Variants in UBE2H observed in about 807,000 individuals in gnomAD.
UBE2H encodes ubiquitin conjugating enzyme E2 H.
A neutral mutation model predicts 29.0 loss-of-function variants in UBE2H; 3 were observed. That is an observed-to-expected ratio of 0.10 (90% CI 0.05 to 0.27). The LOEUF (loss-of-function observed/expected upper bound fraction) is 0.27, where lower values mean the gene tolerates loss of function less well. Ranked by LOEUF, UBE2H falls within the 10% of genes least tolerant of loss-of-function variation. UBE2H has a pLI of 1.00. For missense variants in UBE2H, 68 were observed against 228.2 expected (o/e 0.30, Z 4.52); for synonymous variants, 69 against 82.9 (o/e 0.83, Z 0.91).
At chr7:129,895,482 C>A (rs1806581469) in intron 1 of UBE2H, among the ~76,000 whole-genome samples, 2 of 152,146 alleles carry the variant, frequency 1.3e-5, no homozygotes, top group Admixed American at 1.3e-4. Flanking sequence ...TCATAGGCAA[C>A]ATATAATTTC....
intron 1 of UBE2H, among the ~76,000 whole-genome samples, chr7:129,896,572 A>G (rs1331628919): frequency 6.6e-6 from 1 of 151,704 alleles, no homozygotes; most frequent in African/African-American, 2.4e-5. Context: ...CATCCGGCTC[A>G]TTTTTTATTT....
At chr7:129,905,043 A>C (rs1318593551) in intron 1 of UBE2H, among the ~76,000 whole-genome samples, 1 of 114,654 alleles carries the variant, frequency 8.7e-6, no homozygotes, top group Non-Finnish European at 2.0e-5. Context: ...ACTCGAGATC[A>C]ACACACAATG....
intron 3 of UBE2H, among the ~76,000 whole-genome samples, chr7:129,864,556 CT>C (rs367930226): frequency 6.9e-5 from 9 of 130,954 alleles, no homozygotes; most frequent in African/African-American, 1.4e-4. Flanking sequence ...TCTTTTCTTT[CT>C]TTTTTTTTTT....
intron 1 of UBE2H, among the ~76,000 whole-genome samples, chr7:129,899,675 T>G (rs960825327): frequency 1.3e-5 from 2 of 152,178 alleles, no homozygotes; most frequent in African/African-American, 4.8e-5. Flanking sequence ...CAATTAAATC[T>G]CACCTAACGT....
chr7:129,864,643 A>C (rs938494294), intron 3 of UBE2H, among the ~76,000 whole-genome samples: 1 of 141,816 alleles, frequency 7.1e-6, no homozygotes, highest in Non-Finnish European at 1.5e-5. Context: ...CCTCCACCTC[A>C]CGGGTTCAAG....
At chr7:129,939,899 C>G (rs1425710740) in intron 1 of UBE2H, among the ~76,000 whole-genome samples, 2 of 151,526 alleles carry the variant, frequency 1.3e-5, no homozygotes, top group Non-Finnish European at 2.9e-5. Context: ...GCGGAGATTG[C>G]AGTGAGCCGA....
chr7:129,892,867 T>C (rs1584770320), intron 1 of UBE2H, among the ~76,000 whole-genome samples: 1 of 152,020 alleles, frequency 6.6e-6, no homozygotes, highest in African/African-American at 2.4e-5. Context: ...AGGGTAAATA[T>C]GTCCTAAGAA....
Position 129,857,566 on chromosome 7 carries a change from G to A in UBE2H, c.246-3C>T. On this transcript the variant is annotated splice_polypyrimidine_tract_variant and splice_region_variant and intron_variant, in intron 4 of 6. Transcript: ENST00000355621. Reference sequence around the variant, plus strand: ...CATCTAGACACACAGTTCCTGACCTGAAACAGATGGAAAGAATGGCATGTT... The same window carrying A: ...CATCTAGACACACAGTTCCTGACCTAAAACAGATGGAAAGAATGGCATGTT... The A allele has an allele frequency of 1.9e-6, 3 of 1,609,098 alleles. No homozygotes were observed. Among genetic ancestry groups the A allele is most frequent in the Non-Finnish European group, 2.5e-6 (3 of 1,178,104 alleles).
rs34701981 is a variant in UBE2H at position 129,863,808 on chromosome 7, GT to G, written c.206-4868del. ...AAAATGATCTCTTCCAATACTAGGTGTTTTTTTTTTTTTTTGAGATAAGGTC... is the reference window on the plus strand; with the variant it reads ...AAAATGATCTCTTCCAATACTAGGTGTTTTTTTTTTTTTTGAGATAAGGTC... On this transcript the variant is annotated intron_variant, in intron 3 of 6. Coordinates refer to ENST00000355621, the MANE Select transcript of UBE2H (RefSeq NM_003344.4). Among the ~76,000 whole-genome samples, 404 of 135,880 alleles carry G rather than the reference GT, an allele frequency of 3.0e-3. 3 individuals are homozygous for G. The highest frequency in any genetic ancestry group is 4.3e-3 in the African/African-American group (158 of 36,328). The allele number at this position is 135,880 out of a possible 152,430, so 89.1% of individuals were successfully genotyped here. A position where few individuals can be genotyped will look rare whatever the true frequency, so the allele number is the denominator to read the frequency against.
chr7:129,906,557 C>T (rs1352403126), intron 1 of UBE2H, among the ~76,000 whole-genome samples: 1 of 152,028 alleles, frequency 6.6e-6, no homozygotes, highest in African/African-American at 2.4e-5. Context: ...TCCTGAGAAA[C>T]AGATAGGCAT....
chr7:129,894,240 G>A (rs969219375), intron 1 of UBE2H, among the ~76,000 whole-genome samples: 1 of 152,126 alleles, frequency 6.6e-6, no homozygotes, highest in African/African-American at 2.4e-5. Context: ...GATCTTTTGA[G>A]CTTAGAACTC....
intron 1 of UBE2H, among the ~76,000 whole-genome samples, chr7:129,917,082 G>A (rs1467105670): frequency 1.3e-5 from 2 of 150,700 alleles, no homozygotes; most frequent in Non-Finnish European, 2.9e-5. Context: ...GCAGGTGCCT[G>A]TAGTCCCAGC....
chr7:129,898,798 T>C (rs998714518), intron 1 of UBE2H, among the ~76,000 whole-genome samples: 1 of 145,136 alleles, frequency 6.9e-6, no homozygotes, highest in African/African-American at 2.5e-5. Context: ...TCAGATCAAG[T>C]GTTGAGTTGC....
At chr7:129,952,419 G>T in intron 1 of UBE2H, 84 bp downstream of exon 1, 1 of 1,545,384 alleles carries the variant, frequency 6.5e-7, no homozygotes. Flanking sequence ...GTGCCCCAGG[G>T]CCCTTGCAGT....
At chr7:129,909,784 C>T (rs564571130) in intron 1 of UBE2H, among the ~76,000 whole-genome samples, 2 of 152,188 alleles carry the variant, frequency 1.3e-5, no homozygotes, top group South Asian at 2.1e-4. Flanking sequence ...TAAGCCCAGA[C>T]GCAATACAAA....
At chr7:129,919,092 A>G (rs1290212546) in intron 1 of UBE2H, among the ~76,000 whole-genome samples, 1 of 146,884 alleles carries the variant, frequency 6.8e-6, no homozygotes, top group Non-Finnish European at 1.5e-5. Context: ...TCAAAAACAA[A>G]AACAAAGTAA....
At chr7:129,866,352 T>C (rs552759018) in intron 3 of UBE2H, among the ~76,000 whole-genome samples, 3 of 152,352 alleles carry the variant, frequency 2.0e-5, no homozygotes, top group South Asian at 4.1e-4. Flanking sequence ...TATCCTTCAA[T>C]AGCATAACCC....
intron 1 of UBE2H, among the ~76,000 whole-genome samples, chr7:129,937,424 T>C (rs1174742698): frequency 6.6e-6 from 1 of 152,192 alleles, no homozygotes; most frequent in African/African-American, 2.4e-5. Flanking sequence ...TTCAGATATA[T>C]CATGGTTTAT....
chr7:129,877,124 C>G (rs932020743), intron 3 of UBE2H, among the ~76,000 whole-genome samples: 1 of 152,086 alleles, frequency 6.6e-6, no homozygotes, highest in Non-Finnish European at 1.5e-5. Context: ...GTCATTTATA[C>G]AATTAAAATA....
Sources: gnomAD v4.1 joint callset for allele counts (sites outside exome capture counted in the v4.1 genomes callset) on GRCh38, gnomAD v4.1.1 for gene constraint, MANE v1.5 for transcripts, NCBI Gene and HGNC (gene_info 2026-07-23, HGNC 2026-07-21) for gene names.